The following RFC3 variants were observed in gnomAD, a reference collection of about 807,000 sequenced individuals.
RFC3 encodes replication factor C subunit 3, also known as A1 38 kDa subunit.
Under a neutral mutation model 45.1 loss-of-function variants are expected in RFC3, and 41 were observed. The ratio of observed to expected loss-of-function variants is 0.91; its 90% CI spans 0.71 to 1.18. The LOEUF (loss-of-function observed/expected upper bound fraction) is 1.18. Ranked by LOEUF, RFC3 falls within the 50% of genes most tolerant of loss-of-function variation. The pLI, the probability that RFC3 is intolerant of heterozygous loss-of-function variation, is 0.00. For synonymous variants in RFC3, 149 were observed against 144.0 expected (o/e 1.03, Z -0.25); for missense variants, 423 against 428.1 (o/e 0.99, Z 0.10).
downstream of RFC3, among the ~76,000 whole-genome samples, chr13:33,842,079 G>A (rs888296711): frequency 6.6e-6 from 1 of 152,054 alleles, no homozygotes; most frequent in African/African-American, 2.4e-5. Context: ...CCAGGAGCCC[G>A]AGATGATCTG....
At chr13:33,957,505 A>T (rs1315814147) in intron 8 of RFC3, among the ~76,000 whole-genome samples, 1 of 152,118 alleles carries the variant, frequency 6.6e-6, no homozygotes, top group African/African-American at 2.4e-5. Flanking sequence ...CGTACCACTT[A>T]TGACTACTGA....
downstream of RFC3, among the ~76,000 whole-genome samples, chr13:33,970,284 C>T (rs373085275): frequency 1.3e-5 from 2 of 152,184 alleles, no homozygotes; most frequent in East Asian, 3.8e-4. Context: ...TTTATGGCTG[C>T]ATAGTATTCC....
At chr13:33,911,932 T>G (rs759996967) in intron 8 of RFC3, among the ~76,000 whole-genome samples, 2 of 152,086 alleles carry the variant, frequency 1.3e-5, no homozygotes, top group African/African-American at 2.4e-5. Flanking sequence ...CATTAATGCT[T>G]CTTCTTGTCA....
At chr13:33,973,998 G>A in the RFC3 span, among the ~76,000 whole-genome samples, 5 of 152,048 alleles carry the variant, frequency 3.3e-5, no homozygotes, top group Non-Finnish European at 7.4e-5. Context: ...TCTGTATTTT[G>A]TTCTTTCCCA....
chr13:33,838,972 T>TC (rs1207977298), downstream of RFC3, among the ~76,000 whole-genome samples: 1 of 152,198 alleles, frequency 6.6e-6, no homozygotes, highest in Non-Finnish European at 1.5e-5. Context: ...CACTGATGTT[T>TC]CTGCTCAGTC....
chr13:33,825,213 G>C (rs140324236), intron 3 of RFC3, among the ~76,000 whole-genome samples: 5 of 152,250 alleles, frequency 3.3e-5, no homozygotes, highest in Non-Finnish European at 7.4e-5. Context: ...GTAAATGACA[G>C]CTCAATACCT....
At chr13:33,891,613 C>T (rs1353858175) in intron 8 of RFC3, among the ~76,000 whole-genome samples, 1 of 152,120 alleles carries the variant, frequency 6.6e-6, no homozygotes, top group Non-Finnish European at 1.5e-5. Context: ...ATCTTAATTG[C>T]ATCAAATCTT....
At chr13:33,919,653 A>G (rs1406815394) in intron 8 of RFC3, among the ~76,000 whole-genome samples, 2 of 151,904 alleles carry the variant, frequency 1.3e-5, no homozygotes, top group African/African-American at 4.8e-5. Flanking sequence ...CTTGCTTTAA[A>G]CTTTTGGTAT....
chr13:33,949,875 T>G (rs1566039670), intron 8 of RFC3, among the ~76,000 whole-genome samples: 2 of 152,180 alleles, frequency 1.3e-5, no homozygotes, highest in East Asian at 3.9e-4. Flanking sequence ...AGCCTTCAAA[T>G]TGAGACATAA....
chr13:33,966,196 T>A, exon 9 of RFC3: 1 of 1,164,546 alleles, frequency 8.6e-7, no homozygotes, highest in Non-Finnish European at 1.3e-6. Context: ...TTTGCAAATA[T>A]AATCCACTTT....
chr13:33,865,010 A>T (rs980813503), intron 8 of RFC3, among the ~76,000 whole-genome samples: 13 of 152,176 alleles, frequency 8.5e-5, no homozygotes, highest in Non-Finnish European at 1.9e-4. Context: ...AATAGAAGAG[A>T]GAAGAAGAAA....
intron 8 of RFC3, among the ~76,000 whole-genome samples, chr13:33,921,706 C>T (rs1400206677): frequency 6.6e-6 from 1 of 152,024 alleles, no homozygotes; most frequent in African/African-American, 2.4e-5. Context: ...TGGAATGGAG[C>T]CCTGGGAGGG....
intron 8 of RFC3, among the ~76,000 whole-genome samples, chr13:33,891,362 G>T (rs373625681): frequency 6.6e-6 from 1 of 152,072 alleles, no homozygotes; most frequent in South Asian, 2.1e-4. Context: ...TGTTAACAGG[G>T]AAATCTGTCA....
chr13:33,976,853 C>T, the RFC3 span, among the ~76,000 whole-genome samples: 1 of 152,014 alleles, frequency 6.6e-6, no homozygotes, highest in Non-Finnish European at 1.5e-5. Flanking sequence ...TGGCCTCCTT[C>T]CAAAGAGTTT....
At chr13:33,885,876 A>C (rs2082517996) in intron 8 of RFC3, among the ~76,000 whole-genome samples, 1 of 152,096 alleles carries the variant, frequency 6.6e-6, no homozygotes. Context: ...GTAGACACTG[A>C]GTCACACAAT....
At chr13:33,852,913 T>C (rs2137510523) in intron 8 of RFC3, among the ~76,000 whole-genome samples, 1 of 152,282 alleles carries the variant, frequency 6.6e-6, no homozygotes, top group East Asian at 1.9e-4. Context: ...TTTGGCTTAA[T>C]GCACAGACCA....
intron 8 of RFC3, among the ~76,000 whole-genome samples, chr13:33,952,461 A>G (rs902277149): frequency 6.6e-6 from 1 of 152,196 alleles, no homozygotes; most frequent in Non-Finnish European, 1.5e-5. Context: ...TTATTAGACT[A>G]TATCTTAGCC....
intron 8 of RFC3, among the ~76,000 whole-genome samples, chr13:33,957,022 TA>T (rs2083026305): frequency 6.6e-6 from 1 of 151,880 alleles, no homozygotes; most frequent in Non-Finnish European, 1.5e-5. Context: ...ATCTATCATC[TA>T]TCTATCCATG....
chr13:33,961,458 CT>C (rs888458255), intron 8 of RFC3, among the ~76,000 whole-genome samples: 7 of 152,168 alleles, frequency 4.6e-5, no homozygotes, highest in Non-Finnish European at 1.0e-4. Context: ...ATGGCCTCTT[CT>C]TTTATCTATT....
Sources: allele counts gnomAD v4.1 joint callset (sites outside exome capture counted in the v4.1 genomes callset), GRCh38; gene constraint gnomAD v4.1.1; transcripts MANE v1.5; gene names NCBI Gene and HGNC (gene_info 2026-07-23, HGNC 2026-07-21).